The following HTR2C variants were observed in gnomAD, a reference collection of about 807,000 sequenced individuals.
The protein encoded by HTR2C is 5-hydroxytryptamine receptor 2C, also known as 5-hydroxytryptamine (serotonin) receptor 2C, G protein-coupled.
Under a neutral mutation model 21.0 loss-of-function variants are expected in HTR2C, and 5 were observed. The observed-to-expected ratio is 0.24, with a 90% CI of 0.12 to 0.50. HTR2C has a LOEUF of 0.50. HTR2C is among the 20% of genes least tolerant of loss of function. The pLI is 0.98. For synonymous variants in HTR2C, 150 were observed against 145.3 expected, an observed-to-expected ratio of 1.03 and a Z score of -0.23; for missense variants, 271 against 371.2, an observed-to-expected ratio of 0.73 and a Z score of 2.22.
chrX:114,704,346 A>G (rs1265246132), intron 2 of HTR2C, among the ~76,000 whole-genome samples: 4 of 111,453 alleles, frequency 3.6e-5, no homozygotes, highest in African/African-American at 9.8e-5. Context: ...CAGCACATCA[A>G]AAAGCTTATC....
rs782365295 is a variant in HTR2C, at chrX:114,664,073, G to A, written c.-80+50192G>A. ...TCCCAGCAAATCATGGTATCAGTGA[G>A]GACTATACTAGGTGTCTCTTTTTCC... On this transcript the variant is annotated intron_variant, in intron 2 of 5. Transcript: ENST00000276198. Among the ~76,000 whole-genome samples, 3 of 111,539 alleles carry A rather than the reference G, an allele frequency of 2.7e-5. No homozygotes were observed. The South Asian group carries it at 1.1e-3, about 42-fold the overall frequency.
In HTR2C at chrX:114,907,894, A is replaced by T. The variant is rs199905277; in HGVS notation, c.*479A>T. Reference sequence around the variant, plus strand: ...ACATTCTTGCTCTGCTCATCTACACATATAAACACAGTAAGATAGGTTCTG... The same window carrying T: ...ACATTCTTGCTCTGCTCATCTACACTTATAAACACAGTAAGATAGGTTCTG... On this transcript the variant is annotated 3_prime_UTR_variant, in exon 6 of 6. Coordinates refer to ENST00000276198, the MANE Select transcript of HTR2C (RefSeq NM_000868.4). 3.4e-5 allele frequency: 4 copies of T among 115,986 alleles called. No individual in the cohort carries two copies. The highest frequency in any genetic ancestry group is 8.9e-5 in the Admixed American group (1 of 11,248). 9.6% of individuals were successfully genotyped at this position (115,986 alleles called of 1,213,427 possible). A position where few individuals can be genotyped will look rare whatever the true frequency, so the allele number is the denominator to read the frequency against.
chrX:114,671,630 G>A (rs1556411745), intron 2 of HTR2C, among the ~76,000 whole-genome samples: 1 of 111,873 alleles, frequency 8.9e-6, no homozygotes, highest in Non-Finnish European at 1.9e-5. Flanking sequence ...ATCTGTGATG[G>A]CTTCGAAAAT....
At chrX:114,800,980 A>T (rs1425082918) in intron 4 of HTR2C, among the ~76,000 whole-genome samples, 1 of 111,374 alleles carries the variant, frequency 9.0e-6, no homozygotes, top group East Asian at 2.8e-4. Flanking sequence ...AGCAGTAGGG[A>T]ATATAAGGCA....
At chrX:114,642,563 T>C (rs1305575642) in intron 2 of HTR2C, among the ~76,000 whole-genome samples, 4 of 111,989 alleles carry the variant, frequency 3.6e-5, no homozygotes, top group Non-Finnish European at 7.5e-5. Context: ...AATATACAAG[T>C]TAGTATCTTA....
At chrX:114,646,095 G>T (rs1181083077) in intron 2 of HTR2C, among the ~76,000 whole-genome samples, 2 of 111,903 alleles carry the variant, frequency 1.8e-5, no homozygotes, top group African/African-American at 6.5e-5. Context: ...AGTAAATATT[G>T]AGTAGATTAA....
chrX:114,700,941 G>A (rs971637405), intron 2 of HTR2C, among the ~76,000 whole-genome samples: 2 of 112,081 alleles, frequency 1.8e-5, no homozygotes, highest in Admixed American at 9.4e-5. Context: ...CTACGCCCAC[G>A]GAGTCTTGCT....
At chrX:114,746,210 G>T (rs1420281537) in intron 4 of HTR2C, among the ~76,000 whole-genome samples, 1 of 111,160 alleles carries the variant, frequency 9.0e-6, no homozygotes, top group Non-Finnish European at 1.9e-5. Context: ...AAAAAAATAA[G>T]AATTCTATAC....
chrX:114,707,034 A>G (rs1476491060), intron 2 of HTR2C, among the ~76,000 whole-genome samples: 1 of 111,946 alleles, frequency 8.9e-6, no homozygotes, highest in African/African-American at 3.2e-5. Context: ...AAAACAAAAA[A>G]TTTCAATTAC....
At chrX:114,884,659 A>G (rs1246306678) in intron 5 of HTR2C, among the ~76,000 whole-genome samples, 1 of 111,624 alleles carries the variant, frequency 9.0e-6, no homozygotes, top group East Asian at 2.8e-4. Context: ...GATAACAAGT[A>G]TTGCTGAGGA....
At chrX:114,664,778 C>T (rs1276523681) in intron 2 of HTR2C, among the ~76,000 whole-genome samples, 5 of 111,472 alleles carry the variant, frequency 4.5e-5, no homozygotes, top group African/African-American at 1.6e-4. Context: ...TGTCCCTAGG[C>T]CTTTGAGGAA....
chrX:114,869,193 A>G (rs1403834173), intron 5 of HTR2C, among the ~76,000 whole-genome samples: 1 of 111,639 alleles, frequency 9.0e-6, no homozygotes, highest in Non-Finnish European at 1.9e-5. Flanking sequence ...ATGGCTGCAT[A>G]GTATTCCATG....
At chrX:114,699,846 C>T (rs1932404987) in intron 2 of HTR2C, among the ~76,000 whole-genome samples, 1 of 112,237 alleles carries the variant, frequency 8.9e-6, no homozygotes, top group South Asian at 3.7e-4. Context: ...GCAATGTGTT[C>T]TTTCTTGCAT....
At chrX:114,787,937 A>G (rs1186176119) in intron 4 of HTR2C, among the ~76,000 whole-genome samples, 1 of 98,560 alleles carries the variant, frequency 1.0e-5, no homozygotes, top group Non-Finnish European at 2.0e-5. Flanking sequence ...ACAGAGCGAG[A>G]CTCTGTCTCA....
intron 4 of HTR2C, among the ~76,000 whole-genome samples, chrX:114,773,439 C>T (rs1016779425): frequency 8.9e-6 from 1 of 111,852 alleles, no homozygotes; most frequent in Non-Finnish European, 1.9e-5. Flanking sequence ...ACATTTTATG[C>T]GTCAGTTTTC....
intron 2 of HTR2C, among the ~76,000 whole-genome samples, chrX:114,624,432 A>G (rs1281025036): frequency 8.9e-6 from 1 of 112,195 alleles, no homozygotes; most frequent in Non-Finnish European, 1.9e-5. Context: ...TAAAAGCACA[A>G]ATGAATTAAT....
chrX:114,763,108 C>T (rs2069898380), intron 4 of HTR2C: 2 of 124,923 alleles, frequency 1.6e-5, no homozygotes. Flanking sequence ...ACTGGGCATC[C>T]ATCATCTCCC....
intron 4 of HTR2C, 136 bp downstream of exon 4, chrX:114,731,743 G>A (rs2069539925): frequency 1.3e-5 from 6 of 447,759 alleles, no homozygotes; most frequent in Non-Finnish European, 3.8e-6. Flanking sequence ...AGAAGGAGTT[G>A]GATGTATGTA....
chrX:114,864,034 T>A (rs1220818332), intron 5 of HTR2C, among the ~76,000 whole-genome samples: 3 of 104,122 alleles, frequency 2.9e-5, no homozygotes, highest in Admixed American at 1.1e-4. Context: ...CTTTAAAGCA[T>A]AAGTGAGTTT....
Sources: allele counts gnomAD v4.1 joint callset (sites outside exome capture counted in the v4.1 genomes callset), GRCh38; gene constraint gnomAD v4.1.1; transcripts MANE v1.5; gene names NCBI Gene and HGNC (gene_info 2026-07-23, HGNC 2026-07-21).